Variants in CSF2RA observed in about 807,000 individuals in gnomAD.
The protein encoded by CSF2RA is granulocyte-macrophage colony-stimulating factor receptor subunit alpha.
In CSF2RA, 42 loss-of-function variants were observed where a neutral mutation model predicts 51.6. That is an observed-to-expected ratio of 0.81 (90% CI 0.64 to 1.05). The LOEUF is 1.05. Ranked by LOEUF, CSF2RA falls within the 50% of genes least tolerant of loss-of-function variation. The pLI is 0.00. For missense variants in CSF2RA, 530 were observed against 501.1 expected, an observed-to-expected ratio of 1.06 and a Z score of -0.55; for synonymous variants, 222 against 193.0, an observed-to-expected ratio of 1.15 and a Z score of -1.24.
At chrX:1,275,741 G>A (rs1433033756) in intron 2 of CSF2RA, among the ~76,000 whole-genome samples, 16 of 151,608 alleles carry the variant, frequency 1.1e-4, no homozygotes, top group Non-Finnish European at 1.8e-4. Flanking sequence ...TGTATTTTTA[G>A]TAGAGAAGGG....
At position 1,307,440 on chromosome X, in the gene CSF2RA, C is replaced by G. The variant is rs1344789900; in HGVS notation, c.1125+1913C>G. On this transcript the variant is annotated intron_variant, in intron 12 of 12. Transcript: ENST00000381529. ...TGAAGCCCACCCTTCCCCTTTAGAC[C>G]TTCAGCTTATTAGATAAGGCCCACC... Among the ~76,000 whole-genome samples the G allele has an allele frequency of 4.7e-3, 669 of 143,442 alleles. 11 individuals carry two copies. Among genetic ancestry groups the G allele is most frequent in the African/African-American group, 0.017 (621 of 36,418 alleles). 94.1% of individuals were successfully genotyped at this position (143,442 alleles called of 152,430 possible). A position where few individuals can be genotyped will look rare whatever the true frequency, so the allele number is the denominator to read the frequency against.
chrX:1,301,595 C>CTTTTT (rs777108928), intron 10 of CSF2RA, among the ~76,000 whole-genome samples: 1 of 105,796 alleles, frequency 9.5e-6, no homozygotes. Flanking sequence ...CTCTTTTTTT[C>CTTTTT]TTTTTTTTTT....
chrX:1,302,301 T>C (rs1405805477), intron 10 of CSF2RA, among the ~76,000 whole-genome samples: 3 of 151,898 alleles, frequency 2.0e-5, no homozygotes, highest in Non-Finnish European at 2.9e-5. Context: ...GGGCTCCAAA[T>C]TGAAAAGGGG....
chrX:1,269,645 AAGAGAT>A (rs1430199195), intron 1 of CSF2RA, among the ~76,000 whole-genome samples: 4 of 33,526 alleles, frequency 1.2e-4, no homozygotes, highest in Admixed American at 2.2e-4. Context: ...AAGAAAAAAA[AAGAGAT>A]GAAAAGAGAT....
At chrX:1,275,166 G>A (rs776682199) in intron 2 of CSF2RA, among the ~76,000 whole-genome samples, 1 of 151,914 alleles carries the variant, frequency 6.6e-6, no homozygotes, top group Non-Finnish European at 1.5e-5. Context: ...GCTGAGGCGG[G>A]GGGATCATGA....
intron 2 of CSF2RA, among the ~76,000 whole-genome samples, chrX:1,276,585 G>A (rs1483068220): frequency 2.0e-5 from 3 of 151,950 alleles, no homozygotes; most frequent in Non-Finnish European, 4.4e-5. Context: ...TATTGTCCAG[G>A]CTGGTCTTGA....
chrX:1,286,338 G>A lies in CSF2RA; in HGVS notation c.219+418G>A, dbSNP rs370048545. Among the ~76,000 whole-genome samples the A allele has an allele frequency of 3.9e-3, 592 of 151,824 alleles. 2 individuals are homozygous for A. The highest frequency in any genetic ancestry group is 0.013 in the African/African-American group (541 of 41,400). On this transcript the variant is annotated intron_variant, in intron 4 of 12. Transcript: ENST00000381529. ...CATCCCAGCACTCTGGGAGGCCGAG[G>A]CAGGTGGATCACCTGAGGTCAGGAG...
chrX:1,314,361 T>TGCACCTGCCCAACCACACA (rs2084358114), downstream of CSF2RA, among the ~76,000 whole-genome samples: 2 of 38,658 alleles, frequency 5.2e-5, no homozygotes, highest in Admixed American at 2.8e-4. Flanking sequence ...CCAACCCCAC[T>TGCACCTGCCCAACCACACA]GCATCTGCCC....
rs2088849543 is a variant in CSF2RA at position 1,274,319 on chromosome X, T to C, written c.-90-436T>C. 2.0e-5 allele frequency among the ~76,000 whole-genome samples: 3 copies of C among 151,844 alleles called. No homozygotes were observed. In the South Asian group the frequency reaches 6.2e-4, roughly 32 times the overall value. ...GCACAATTTGCTTTCATACATTTTT[T>C]TGGCGGGGAGGGAGCTGGGGATCCA... On this transcript the variant is annotated intron_variant, in intron 1 of 12. Coordinates refer to ENST00000381529, the MANE Select transcript of CSF2RA (RefSeq NM_172245.4).
chrX:1,322,567 A>C, the CSF2RA span, among the ~76,000 whole-genome samples: 1 of 149,364 alleles, frequency 6.7e-6, no homozygotes. Flanking sequence ...ATTTCATGGA[A>C]CTGTTTAGCT....
rs758396081 is a variant in CSF2RA, at chrX:1,309,578, G to A, written c.*99G>A. 5.0e-6 allele frequency: 8 copies of A among 1,613,802 alleles called. No individual in the cohort carries two copies. Among genetic ancestry groups the A allele is most frequent in the Non-Finnish European group, 6.8e-6 (8 of 1,179,844 alleles). ...TGTGAACCTTTATATCATTTTCTAT[G>A]TTTTTATTTAAAAACATGACATTTG... On this transcript the variant is annotated 3_prime_UTR_variant, in exon 13 of 13. Coordinates refer to ENST00000381529, the MANE Select transcript of CSF2RA (RefSeq NM_172245.4).
At chrX:1,324,365 A>T in the CSF2RA span, among the ~76,000 whole-genome samples, 1 of 149,410 alleles carries the variant, frequency 6.7e-6, no homozygotes, top group African/African-American at 2.5e-5. Context: ...AAAAAGAGAA[A>T]GGAAAGAAAG....
chrX:1,279,291 A>G lies in CSF2RA; in HGVS notation c.-26-3387A>G, dbSNP rs1265195109. Among the ~76,000 whole-genome samples, 5 of 152,116 alleles carry G rather than the reference A, an allele frequency of 3.3e-5. No homozygotes were observed. In the East Asian group the frequency reaches 9.6e-4, roughly 29 times the overall value. On this transcript the variant is annotated intron_variant, in intron 2 of 12. Transcript: ENST00000381529. ...CTTCAACTTGGGAGACGGAGGTTGC[A>G]GTGAGCCGAGATGGCACCACTGCAC...
downstream of CSF2RA, among the ~76,000 whole-genome samples, chrX:1,313,274 A>T (rs28628855): frequency 0.66 from 99,796 of 151,218 alleles, 33,218 homozygotes; most frequent in Non-Finnish European, 0.71. Context: ...AATACAAAAA[A>T]AAAAATAAAA....
intron 1 of CSF2RA, among the ~76,000 whole-genome samples, chrX:1,272,381 C>CA (rs56208355): frequency 0.58 from 82,498 of 142,536 alleles, 23,239 homozygotes; most frequent in Middle Eastern, 0.72. Context: ...GATCCTGGTA[C>CA]AAAAAAAAAA....
At chrX:1,323,003 C>A in the CSF2RA span, among the ~76,000 whole-genome samples, 1 of 151,716 alleles carries the variant, frequency 6.6e-6, no homozygotes, top group African/African-American at 2.4e-5. Flanking sequence ...GTGGCGGGCG[C>A]CTGTGGTCCC....
At chrX:1,277,928 G>A (rs1421610982) in intron 2 of CSF2RA, among the ~76,000 whole-genome samples, 1 of 140,912 alleles carries the variant, frequency 7.1e-6, no homozygotes, top group Non-Finnish European at 1.5e-5. Flanking sequence ...AGTGAGCCGA[G>A]ATGGCACCAC....
At chrX:1,315,182 G>C (rs1479939181), downstream of CSF2RA, among the ~76,000 whole-genome samples, 2 of 152,110 alleles carry the variant, frequency 1.3e-5, no homozygotes, top group African/African-American at 4.8e-5. Flanking sequence ...AGAAAAGAGA[G>C]GGAGGGGAGA....
chrX:1,286,241 C>G (rs1315226621), intron 4 of CSF2RA, among the ~76,000 whole-genome samples: 5 of 151,922 alleles, frequency 3.3e-5, no homozygotes, highest in Non-Finnish European at 7.4e-5. Flanking sequence ...CCATTGCACT[C>G]CAGCCTGGGT....
Sources: gnomAD v4.1 joint callset for allele counts (sites outside exome capture counted in the v4.1 genomes callset) on GRCh38, gnomAD v4.1.1 for gene constraint, MANE v1.5 for transcripts, NCBI Gene and HGNC (gene_info 2026-07-23, HGNC 2026-07-21) for gene names.